The following FAM120AOS variants were observed in gnomAD, a reference collection of about 807,000 sequenced individuals.
FAM120AOS encodes the protein uncharacterized protein FAM120AOS.
Under a neutral mutation model 20.2 loss-of-function variants are expected in FAM120AOS, and 15 were observed. That is an observed-to-expected ratio of 0.74 (90% confidence interval 0.50 to 1.15). The LOEUF is 1.15. FAM120AOS is among the 50% of genes most tolerant of loss of function. The pLI is 0.00. For synonymous variants in FAM120AOS, 154 were observed against 154.0 expected, an observed-to-expected ratio of 1.00 and a Z score of 0.00; for missense variants, 327 against 351.9, an observed-to-expected ratio of 0.93 and a Z score of 0.57.
chr9:93,450,893 C>T, intron 1 of FAM120AOS: 3 of 987,750 alleles, frequency 3.0e-6, no homozygotes, highest in Admixed American at 4.0e-5. Flanking sequence ...GCGCACGTTT[C>T]AGTCTAGCCA....
chr9:93,451,468 C>T, intron 1 of FAM120AOS: 2 of 1,118,874 alleles, frequency 1.8e-6, no homozygotes, highest in Non-Finnish European at 2.2e-6. Context: ...GGCCTCCAGG[C>T]GCTGCCTGCT....
rs1311783330 is a variant in FAM120AOS at position 93,443,699 on chromosome 9, T to TC, written c.*3911dup. ...GTGTGGCTGTGTTGCCTGGGCTCTGTCTCTTGTATGTGCAGCTCTGGGCTG... is the reference window on the plus strand; with the variant it reads ...GTGTGGCTGTGTTGCCTGGGCTCTGTCCTCTTGTATGTGCAGCTCTGGGCTG... On this transcript the variant is annotated 3_prime_UTR_variant, in exon 3 of 3. Coordinates refer to ENST00000375412, the MANE Select transcript of FAM120AOS (RefSeq NM_198841.4). Among the ~76,000 whole-genome samples, 1 of 152,204 alleles carries TC rather than the reference T, an allele frequency of 6.6e-6. No homozygotes were observed. The highest frequency in any genetic ancestry group is 2.4e-5 in the African/African-American group (1 of 41,436).
intron 2 of FAM120AOS, among the ~76,000 whole-genome samples, chr9:93,448,039 C>T (rs1055885408): frequency 6.6e-6 from 1 of 152,204 alleles, no homozygotes; most frequent in Non-Finnish European, 1.5e-5. Flanking sequence ...TTGCTCTCTT[C>T]CATGATCGCA....
chr9:93,452,398 G>C lies in FAM120AOS; in HGVS notation c.312C>G (p.Pro104=). Reference sequence around the variant, plus strand: ...TCCGCTTCCACGTCAAGGTGAGGCCGGGGATCCGGGCGGGCCGGGGACCGG... The same window carrying C: ...TCCGCTTCCACGTCAAGGTGAGGCCCGGGATCCGGGCGGGCCGGGGACCGG... ...RGPGPRPARI[P]GLTLTWKRMS... is the part of the protein sequence containing the mutation. The change falls in exon 1 of 3, where the codon CCC becomes CCG. Residue 104 remains proline (P), a synonymous_variant. Transcript: ENST00000375412. This position sits in a 1 kb window ranked among gnomAD's most constrained non-coding sequence, Gnocchi z 7.0. 1 of 1,599,678 alleles carries C rather than the reference G, an allele frequency of 6.3e-7. No individual in the cohort carries two copies. Among genetic ancestry groups the C allele is most frequent in the Non-Finnish European group, 8.5e-7 (1 of 1,174,078 alleles).
rs1358219424 is a variant in FAM120AOS, at chr9:93,451,809, C to T, written c.563+338G>A. ...CGCCCCCGACCCGCCCCAGTCCCCC[C>T]TAGAGGCCGCCGCCCCCGCCCGCCA... is the stretch of plus-strand genomic sequence containing the variant. On this transcript the variant is annotated intron_variant, in intron 1 of 2. Coordinates refer to ENST00000375412, the MANE Select transcript of FAM120AOS (RefSeq NM_198841.4). 15 of 973,372 alleles carry T rather than the reference C, an allele frequency of 1.5e-5. 1 individual carries two copies. The African/African-American group carries it at 2.5e-4, about 16-fold the overall frequency. The allele number at this position is 973,372 out of a possible 1,614,324, so 60.3% of individuals were successfully genotyped here. A position where few individuals can be genotyped will look rare whatever the true frequency, so the allele number is the denominator to read the frequency against.
chr9:93,451,806 C>G (rs1277358742), intron 1 of FAM120AOS: 1 of 973,804 alleles, frequency 1.0e-6, no homozygotes, highest in Non-Finnish European at 1.2e-6. Context: ...GCCCCAGTCC[C>G]CCCTAGAGGC....
At chr9:93,447,944 C>T (rs115450664) in intron 2 of FAM120AOS, among the ~76,000 whole-genome samples, 1,620 of 152,236 alleles carry the variant, frequency 0.011, 35 homozygotes, top group African/African-American at 0.036. Flanking sequence ...TGTGTGTGTT[C>T]TTCTGGGTAA....
Position 93,452,547 on chromosome 9 carries a change from T to C in FAM120AOS, c.163A>G (p.Ile55Val), listed in dbSNP as rs1443687805. 1.2e-5 allele frequency: 19 copies of C among 1,578,524 alleles called. No homozygotes were observed. Among genetic ancestry groups the C allele is most frequent in the Non-Finnish European group, 1.6e-5 (19 of 1,168,850 alleles). Residue 55 changes from isoleucine (I) to valine (V), a missense_variant, in exon 1 of 3, where the codon ATC becomes GTC. By Grantham distance (29) the Ile-to-Val change is conservative. Coordinates refer to ENST00000375412, the MANE Select transcript of FAM120AOS (RefSeq NM_198841.4). The surrounding 1 kb of genome is among the most constrained non-coding windows in gnomAD (Gnocchi z 7.0). ...AARGLHPRPS[I>V]LQPGPARLSR... ...AGCCTGGCCGGGCCGGGCTGCAAGA[T>C]GGATGGCCGCGGGTGCAGGCCGCGC...
At chr9:93,449,796 A>G (rs1426954799) in intron 2 of FAM120AOS, among the ~76,000 whole-genome samples, 1 of 150,868 alleles carries the variant, frequency 6.6e-6, no homozygotes, top group Non-Finnish European at 1.5e-5. Context: ...GCACTAATGC[A>G]TTTTTAAAAA....
chr9:93,453,370 T>C lies in FAM120AOS; in HGVS notation c.-661A>G. On this transcript the variant is annotated 5_prime_UTR_variant, in exon 1 of 3. The change abolishes an upstream ATG in the 5' untranslated region. Transcript: ENST00000375412. ...GTGACTGTGAAGATAAGCACATCCA[T>C]GATCCTGGACTTCACGTTCTGATTG... 7 of 985,530 alleles carry C rather than the reference T, an allele frequency of 7.1e-6. No individual in the cohort carries two copies. The highest frequency in any genetic ancestry group is 8.4e-6 in the Non-Finnish European group (7 of 829,988). 61.0% of individuals were successfully genotyped at this position (985,530 alleles called of 1,614,324 possible).
At position 93,443,753 on chromosome 9, in the gene FAM120AOS, T is replaced by C. The variant is rs545107422; in HGVS notation, c.*3858A>G. Among the ~76,000 whole-genome samples, 1 of 152,270 alleles carries C rather than the reference T, an allele frequency of 6.6e-6. No homozygotes were observed. Among genetic ancestry groups the C allele is most frequent in the Non-Finnish European group, 1.5e-5 (1 of 68,022 alleles). ...ACGGAATTCAGCTCATGTACAGAAT[T>C]AGAGAATCCTCTTTTCAGGTCTTTG... On this transcript the variant is annotated 3_prime_UTR_variant, in exon 3 of 3. Coordinates refer to ENST00000375412, the MANE Select transcript of FAM120AOS (RefSeq NM_198841.4).
intron 1 of FAM120AOS, 124 bp from the exon 2 acceptor site, chr9:93,450,723 G>A (rs747318347): frequency 1.4e-6 from 2 of 1,440,192 alleles, no homozygotes; most frequent in South Asian, 1.2e-5. Flanking sequence ...AATGTTTTAT[G>A]CAAGCCTAAT....
rs898912897 is a variant in FAM120AOS at position 93,447,242 on chromosome 9, C to T, written c.*369G>A. The T allele has an allele frequency of 4.0e-5, 8 of 201,502 alleles. No individual in the cohort carries two copies. Among genetic ancestry groups the T allele is most frequent in the African/African-American group, 1.6e-4 (7 of 43,450 alleles). 12.5% of individuals were successfully genotyped at this position (201,502 alleles called of 1,614,324 possible). A position where few individuals can be genotyped will look rare whatever the true frequency, so the allele number is the denominator to read the frequency against. ...TTTTTCTATGCAAGTATCTATTTGT[C>T]TATATGTCTGTCTACCTTGGTAGGT... is the stretch of plus-strand genomic sequence containing the variant. On this transcript the variant is annotated 3_prime_UTR_variant, in exon 3 of 3. Transcript: ENST00000375412.
At chr9:93,451,682 G>A in intron 1 of FAM120AOS, 1 of 975,448 alleles carries the variant, frequency 1.0e-6, no homozygotes, top group Non-Finnish European at 1.2e-6. Context: ...CCTCGGCCTC[G>A]GCCTCGGCCT....
At position 93,452,584 on chromosome 9, in the gene FAM120AOS, C is replaced by T. The variant is rs1857305082; in HGVS notation, c.126G>A (p.Arg42=). 1 of 1,597,042 alleles carries T rather than the reference C, an allele frequency of 6.3e-7. No individual in the cohort carries two copies. The highest frequency in any genetic ancestry group is 1.3e-5 in the African/African-American group (1 of 74,874). The change falls in exon 1 of 3, where the codon CGG becomes CGA. Residue 42 remains arginine, a synonymous_variant. Coordinates refer to ENST00000375412, the MANE Select transcript of FAM120AOS (RefSeq NM_198841.4). The surrounding 1 kb of genome is among the most constrained non-coding windows in gnomAD (Gnocchi z 7.0). ...PRTPNRDSWR[R]AWAARGLHPR... is the part of the protein sequence containing the mutation. ...GGTGCAGGCCGCGCGCTGCCCAAGC[C>T]CGTCTCCAGCTGTCCCTGTTCGGGG...
chr9:93,449,290 T>C (rs1309713552), intron 2 of FAM120AOS, among the ~76,000 whole-genome samples: 1 of 152,176 alleles, frequency 6.6e-6, no homozygotes, highest in Admixed American at 6.5e-5. Flanking sequence ...TTAATCCTTA[T>C]AACAACCTGG....
chr9:93,447,547 C>T lies in FAM120AOS; in HGVS notation c.*64G>A, dbSNP rs1191814024. ...ATGGTGAATAGAGCATTTTCCCTCACACGATGGGTATCAGGGTGGTTTCTT... is the reference window on the plus strand; with the variant it reads ...ATGGTGAATAGAGCATTTTCCCTCATACGATGGGTATCAGGGTGGTTTCTT... On this transcript the variant is annotated 3_prime_UTR_variant, in exon 3 of 3. Transcript: ENST00000375412. 4 of 1,386,780 alleles carry T rather than the reference C, an allele frequency of 2.9e-6. No individual in the cohort carries two copies. Among genetic ancestry groups the T allele is most frequent in the African/African-American group, 2.9e-5 (2 of 69,916 alleles). The allele number at this position is 1,386,780 out of a possible 1,614,324, so 85.9% of individuals were successfully genotyped here.
chr9:93,449,257 G>A (rs1310794358), intron 2 of FAM120AOS, among the ~76,000 whole-genome samples: 6 of 152,082 alleles, frequency 3.9e-5, no homozygotes, highest in Non-Finnish European at 8.8e-5. Context: ...TTTGTTGTGT[G>A]GCAGGCACAC....
chr9:93,451,154 C>T (rs1282591622), intron 1 of FAM120AOS: 1 of 1,550,438 alleles, frequency 6.4e-7, no homozygotes, highest in Non-Finnish European at 8.7e-7. Flanking sequence ...GGCCGGCCAG[C>T]ATCCCGCTCT....
Sources: allele counts gnomAD v4.1 joint callset (sites outside exome capture counted in the v4.1 genomes callset), GRCh38; gene constraint gnomAD v4.1.1; non-coding constraint Gnocchi (gnomAD v3.1); transcripts MANE v1.5; gene names NCBI Gene and HGNC (gene_info 2026-07-23, HGNC 2026-07-21).